Variants in C5 observed in about 807,000 individuals in gnomAD.
C5 encodes C3 and PZP-like alpha-2-macroglobulin domain-containing protein 4.
A neutral mutation model predicts 218.8 loss-of-function variants in C5; 140 were observed. The ratio of observed to expected loss-of-function variants is 0.64; its 90% confidence interval spans 0.56 to 0.74. The LOEUF (loss-of-function observed/expected upper bound fraction) is 0.74. Ranked by LOEUF, C5 falls within the 30% of genes least tolerant of loss-of-function variation. The pLI is 0.00. For synonymous variants in C5, 614 were observed against 682.3 expected, an observed-to-expected ratio of 0.90 and a Z score of 1.56; for missense variants, 1,700 against 1,969.6, an observed-to-expected ratio of 0.86 and a Z score of 2.59.
intron 39 of C5, among the ~76,000 whole-genome samples, chr9:120,954,261 C>T (rs2046769159): frequency 6.6e-6 from 1 of 152,112 alleles, no homozygotes; most frequent in African/African-American, 2.4e-5. Context: ...ATTAAAAGAA[C>T]CTCTCTACAG....
At chr9:121,060,721 C>T in the C5 span, among the ~76,000 whole-genome samples, 1 of 151,894 alleles carries the variant, frequency 6.6e-6, no homozygotes, top group Non-Finnish European at 1.5e-5. Flanking sequence ...ATCCTGAGAC[C>T]CCTAGAATGC....
Position 121,020,106 on chromosome 9 carries a change from G to C in C5, c.1376C>G (p.Ser459Cys), listed in dbSNP as rs1210256395. Residue 459 changes from serine to cysteine, a missense_variant, in exon 12 of 41, where the codon TCT (serine) becomes TGT (cysteine). Ser to Cys is a moderately radical substitution (Grantham distance 112). Transcript: ENST00000223642. ...REGYRAIAYS[S>C]LSQSYLYIDW... Reference sequence around the variant, plus strand: ...AATATAAAGGTAACTTTGGCTGAGAGATGAGTATGCTATTGCTCGGTAACC... The same window carrying C: ...AATATAAAGGTAACTTTGGCTGAGACATGAGTATGCTATTGCTCGGTAACC... The C allele has an allele frequency of 3.1e-6, 5 of 1,613,704 alleles. No homozygotes were observed. The African/African-American group carries it at 6.7e-5, about 22-fold the overall frequency.
chr9:120,962,326 G>A (rs2046833514), intron 36 of C5, among the ~76,000 whole-genome samples: 1 of 152,166 alleles, frequency 6.6e-6, no homozygotes, highest in African/African-American at 2.4e-5. Context: ...AAGTTGTTCT[G>A]GGGGGATTGA....
chr9:120,966,869 T>G (rs1279975687), intron 33 of C5, among the ~76,000 whole-genome samples: 1 of 152,032 alleles, frequency 6.6e-6, no homozygotes, highest in Non-Finnish European at 1.5e-5. Flanking sequence ...CGATTGGGCT[T>G]GGGACATAGA....
At chr9:121,059,977 T>C in the C5 span, among the ~76,000 whole-genome samples, 2 of 152,246 alleles carry the variant, frequency 1.3e-5, no homozygotes, top group Non-Finnish European at 2.9e-5. The surrounding 1 kb of genome is among the most constrained non-coding windows in gnomAD (Gnocchi z 4.1). Context: ...TTCCTGCCCA[T>C]AGGAACTGGG....
chr9:121,061,838 T>C, the C5 span, among the ~76,000 whole-genome samples: 2 of 152,256 alleles, frequency 1.3e-5, no homozygotes, highest in Non-Finnish European at 2.9e-5. Context: ...CTAGCTCAGC[T>C]GTTTTTATTT....
upstream of C5, among the ~76,000 whole-genome samples, chr9:121,051,495 T>C (rs2047671178): frequency 6.6e-6 from 1 of 152,132 alleles, no homozygotes; most frequent in South Asian, 2.1e-4. Flanking sequence ...CCTTCTCTTT[T>C]TTAGTACTAT....
At position 120,961,472 on chromosome 9, in the gene C5, TA is replaced by T; in HGVS notation, c.4588+9del. 1 of 1,581,242 alleles carries T rather than the reference TA, an allele frequency of 6.3e-7. No homozygotes were observed. Among genetic ancestry groups the T allele is most frequent in the Non-Finnish European group, 8.7e-7 (1 of 1,150,084 alleles). On this transcript the variant is annotated intron_variant, in intron 37 of 40. Coordinates refer to ENST00000223642, the MANE Select transcript of C5 (RefSeq NM_001735.3). Reference sequence around the variant, plus strand: ...AAGCATGCAGCCTAAATATGTTAAATAAAGTTTACCTTCTACACACTTGCAC... The same window carrying T: ...AAGCATGCAGCCTAAATATGTTAAATAAGTTTACCTTCTACACACTTGCAC...
At chr9:120,999,931 T>C (rs776941324) in intron 20 of C5, 1 of 449,248 alleles carries the variant, frequency 2.2e-6, no homozygotes, top group South Asian at 1.6e-5. Flanking sequence ...TGGTGGTGTG[T>C]GCCTGTAATC....
chr9:121,035,496 C>T (rs1353545678), intron 4 of C5, among the ~76,000 whole-genome samples: 1 of 152,160 alleles, frequency 6.6e-6, no homozygotes, highest in African/African-American at 2.4e-5. Flanking sequence ...TTTCTTTGGA[C>T]TACACATGGG....
At position 120,953,802 on chromosome 9, in the gene C5, T is replaced by C. The variant is rs2046765017; in HGVS notation, c.4829A>G (p.Glu1610Gly). Residue 1610 changes from glutamate (E) to glycine (G), a missense_variant, in exon 40 of 41, where the codon GAG (glutamate) becomes GGG (glycine). Coordinates refer to ENST00000223642, the MANE Select transcript of C5 (RefSeq NM_001735.3). ...TAAGTACTGTCTTCCTTTTACCAGC[T>C]CAGCGTTAGTACAGGTTACCTTTTT... The part of the protein sequence containing the change: ...FIKKVTCTNA[E>G]LVKGRQYLIM... The C allele has an allele frequency of 6.2e-7, 1 of 1,613,844 alleles. No homozygotes were observed.
intron 20 of C5, among the ~76,000 whole-genome samples, chr9:120,999,454 G>T (rs765137213): frequency 1.3e-5 from 2 of 152,200 alleles, no homozygotes; most frequent in Non-Finnish European, 2.9e-5. Context: ...GTAGGGAATA[G>T]TTACCACAGC....
chr9:121,008,478 C>A lies in C5; in HGVS notation c.2278G>T (p.Val760Leu). The A allele has an allele frequency of 6.2e-7, 1 of 1,613,508 alleles. No individual in the cohort carries two copies. The highest frequency in any genetic ancestry group is 2.2e-5 in the East Asian group (1 of 44,826). ...TAACTCCGAATTTCTGGCTTGCTTA[C>A]TGGTAACAGGGTCTTCATGTCTGGA... Reference protein sequence around the residue: ...GRLHMKTLLPVSKPEIRSYFP... With the variant: ...GRLHMKTLLPLSKPEIRSYFP... The change falls in exon 18 of 41, where the codon GTA (valine) becomes TTA (leucine). Residue 760 changes from valine (V) to leucine (L), a missense_variant. Coordinates refer to ENST00000223642, the MANE Select transcript of C5 (RefSeq NM_001735.3).
At chr9:121,042,657 A>G (rs927658832) in intron 3 of C5, among the ~76,000 whole-genome samples, 2 of 152,234 alleles carry the variant, frequency 1.3e-5, no homozygotes, top group African/African-American at 4.8e-5. Flanking sequence ...ATAATTTCGC[A>G]TAGCTAATTC....
chr9:120,985,362 AT>A (rs1208832311), intron 25 of C5, among the ~76,000 whole-genome samples: 1 of 152,164 alleles, frequency 6.6e-6, no homozygotes, highest in African/African-American at 2.4e-5. Context: ...GTAGAAAAGA[AT>A]TTTTTAGTCA....
chr9:121,028,732 A>C (rs2131792404), intron 7 of C5, among the ~76,000 whole-genome samples: 1 of 152,260 alleles, frequency 6.6e-6, no homozygotes, highest in African/African-American at 2.4e-5. Context: ...TAGGAGAAAT[A>C]CCTAATGTAT....
Position 121,020,112 on chromosome 9 carries a change from T to G in C5, c.1370A>C (p.Tyr457Ser). ...AAGGTAACTTTGGCTGAGAGATGAG[T>G]ATGCTATTGCTCGGTAACCTTCCCT... ...QAREGYRAIAYSSLSQSYLYI... is the reference protein window; with the variant it reads ...QAREGYRAIASSSLSQSYLYI... The change falls in exon 12 of 41, where the codon TAC becomes TCC. Residue 457 changes from tyrosine (Y) to serine (S), a missense_variant. Coordinates refer to ENST00000223642, the MANE Select transcript of C5 (RefSeq NM_001735.3). 6.2e-7 allele frequency: 1 copy of G among 1,613,894 alleles called. No individual in the cohort carries two copies.
chr9:121,072,998 A>G, the C5 span, among the ~76,000 whole-genome samples: 4 of 152,134 alleles, frequency 2.6e-5, no homozygotes, highest in Admixed American at 2.6e-4. Flanking sequence ...GGAAAAGGAA[A>G]TCAGTAAATC....
chr9:120,999,339 C>T (rs928863508), intron 20 of C5, among the ~76,000 whole-genome samples: 3 of 152,022 alleles, frequency 2.0e-5, no homozygotes, highest in Non-Finnish European at 4.4e-5. Flanking sequence ...ATAAGTGTCC[C>T]GCTTTTTATA....
Sources: allele counts gnomAD v4.1 joint callset (sites outside exome capture counted in the v4.1 genomes callset), GRCh38; gene constraint gnomAD v4.1.1; non-coding constraint Gnocchi (gnomAD v3.1); transcripts MANE v1.5; gene names NCBI Gene and HGNC (gene_info 2026-07-23, HGNC 2026-07-21).